Variants in PLPPR1 observed in about 807,000 individuals in gnomAD.
The protein encoded by PLPPR1 is phospholipid phosphatase-related protein type 1.
PLPPR1 carries 10 observed loss-of-function variants against 33.1 expected under a neutral mutation model. The observed-to-expected ratio is 0.30, with a 90% CI of 0.19 to 0.51. The LOEUF (loss-of-function observed/expected upper bound fraction) is 0.51, where lower values mean the gene tolerates loss of function less well. PLPPR1 is among the 20% of genes least tolerant of loss of function. The pLI is 0.97. For synonymous variants in PLPPR1, 151 were observed against 151.0 expected (o/e 1.00, Z 0.00); for missense variants, 304 against 408.1 (o/e 0.74, Z 2.20).
intron 1 of PLPPR1, among the ~76,000 whole-genome samples, chr9:101,101,474 T>C (rs1830897948): frequency 6.6e-6 from 1 of 151,848 alleles, no homozygotes; most frequent in African/African-American, 2.4e-5. Flanking sequence ...TGGACAGTGG[T>C]TGACACATTT....
Position 101,055,034 on chromosome 9 carries a change from G to A in PLPPR1, c.-46+25932G>A, listed in dbSNP as rs116497408. On this transcript the variant is annotated intron_variant, in intron 1 of 7. Coordinates refer to ENST00000374874, the MANE Select transcript of PLPPR1 (RefSeq NM_207299.2). ...GCTCCATGTGGACTGCTTAACCTGA[G>A]CTCATAGTTCAGTTCTTAAAATTCC... Among the ~76,000 whole-genome samples the A allele has an allele frequency of 2.4e-3, 371 of 152,300 alleles. 2 individuals carry two copies. The highest frequency in any genetic ancestry group is 8.8e-3 in the African/African-American group (366 of 41,566).
chr9:101,138,159 A>C (rs1227839299), intron 1 of PLPPR1, among the ~76,000 whole-genome samples: 1 of 152,234 alleles, frequency 6.6e-6, no homozygotes, highest in Non-Finnish European at 1.5e-5. Flanking sequence ...TATGGAAAGT[A>C]GGCTATGGGT....
intron 2 of PLPPR1, among the ~76,000 whole-genome samples, chr9:101,195,881 A>C (rs1262475281): frequency 6.6e-6 from 1 of 152,230 alleles, no homozygotes; most frequent in Non-Finnish European, 1.5e-5. Context: ...TTTAATCTTC[A>C]TAGAATTTTA....
intron 2 of PLPPR1, among the ~76,000 whole-genome samples, chr9:101,242,904 A>T (rs1014540682): frequency 6.6e-6 from 1 of 152,086 alleles, no homozygotes; most frequent in African/African-American, 2.4e-5. Context: ...GTTCTCTGTC[A>T]TGTGCTATAA....
At chr9:101,261,233 A>G (rs917082584) in intron 2 of PLPPR1, among the ~76,000 whole-genome samples, 1 of 152,220 alleles carries the variant, frequency 6.6e-6, no homozygotes, top group African/African-American at 2.4e-5. Context: ...ATGGGCAATC[A>G]GTAAGAGTCA....
At chr9:101,167,664 C>G (rs1825880877) in intron 1 of PLPPR1, among the ~76,000 whole-genome samples, 1 of 152,024 alleles carries the variant, frequency 6.6e-6, no homozygotes, top group Admixed American at 6.6e-5. Context: ...TGAAAGGGCA[C>G]TTTGGTCCCT....
chr9:101,249,419 C>T (rs894545648), intron 2 of PLPPR1, among the ~76,000 whole-genome samples: 5 of 152,002 alleles, frequency 3.3e-5, no homozygotes, highest in African/African-American at 1.2e-4. Flanking sequence ...CAATTATAAA[C>T]GATTGGTAAT....
Position 101,270,271 on chromosome 9 carries a change from T to C in PLPPR1, c.252+203T>C, listed in dbSNP as rs574362526. ...TGTCTTGTATGGGTGGCTTTTGTTT[T>C]TCGGTATCTGAATTTTAAAAAGATG... is the stretch of plus-strand genomic sequence containing the variant. On this transcript the variant is annotated intron_variant, in intron 3 of 7. Transcript: ENST00000374874. Among the ~76,000 whole-genome samples the C allele has an allele frequency of 3.3e-5, 5 of 152,114 alleles. No individual in the cohort carries two copies. The South Asian group carries it at 1.0e-3, about 32-fold the overall frequency.
chr9:101,200,046 A>AGAT (rs1380495907), intron 2 of PLPPR1, among the ~76,000 whole-genome samples: 1 of 152,178 alleles, frequency 6.6e-6, no homozygotes, highest in East Asian at 1.9e-4. Context: ...GTTCTGGAAC[A>AGAT]GATAGGATTC....
At chr9:101,248,960 C>T (rs899338668) in intron 2 of PLPPR1, among the ~76,000 whole-genome samples, 1 of 152,006 alleles carries the variant, frequency 6.6e-6, no homozygotes, top group African/African-American at 2.4e-5. Context: ...TACCAAAATA[C>T]ATCTGGGAAC....
chr9:101,303,182 T>A (rs1828784756), intron 4 of PLPPR1, among the ~76,000 whole-genome samples: 1 of 151,466 alleles, frequency 6.6e-6, no homozygotes, highest in East Asian at 2.0e-4. Flanking sequence ...CAGGGTTTTA[T>A]CATGCTGGCC....
At chr9:101,118,893 T>G (rs1261681855) in intron 1 of PLPPR1, among the ~76,000 whole-genome samples, 1 of 151,960 alleles carries the variant, frequency 6.6e-6, no homozygotes, top group Non-Finnish European at 1.5e-5. Flanking sequence ...GCCATGTTTT[T>G]TTTTGTTTTG....
At chr9:101,138,696 C>T (rs1314974963) in intron 1 of PLPPR1, among the ~76,000 whole-genome samples, 1 of 152,170 alleles carries the variant, frequency 6.6e-6, no homozygotes, top group Non-Finnish European at 1.5e-5. Context: ...ATATGTGTGC[C>T]ACATCTGTTG....
At chr9:101,099,527 T>C (rs1217806941) in intron 1 of PLPPR1, among the ~76,000 whole-genome samples, 2 of 152,140 alleles carry the variant, frequency 1.3e-5, no homozygotes, top group Non-Finnish European at 2.9e-5. Flanking sequence ...TGAAAATACA[T>C]GGGGAGAAAA....
intron 2 of PLPPR1, among the ~76,000 whole-genome samples, chr9:101,228,283 G>A (rs1827112337): frequency 6.6e-6 from 1 of 152,084 alleles, no homozygotes; most frequent in Non-Finnish European, 1.5e-5. Context: ...CCTAATATAA[G>A]CTCCCTCCAC....
At chr9:101,134,427 G>T (rs1831353039) in intron 1 of PLPPR1, among the ~76,000 whole-genome samples, 1 of 151,098 alleles carries the variant, frequency 6.6e-6, no homozygotes, top group Admixed American at 6.6e-5. Context: ...CTGTCACCCA[G>T]GCTGGAGTGC....
intron 1 of PLPPR1, among the ~76,000 whole-genome samples, chr9:101,102,939 G>A (rs1156243965): frequency 2.4e-5 from 1 of 42,378 alleles, no homozygotes; most frequent in African/African-American, 1.0e-4. Flanking sequence ...CTGCATAAAT[G>A]TCTTCTTTTG....
intron 3 of PLPPR1, among the ~76,000 whole-genome samples, chr9:101,275,003 C>G (rs935693288): frequency 3.3e-5 from 5 of 152,214 alleles, no homozygotes; most frequent in African/African-American, 1.2e-4. Context: ...TCCAAACTCC[C>G]AAATCATGAC....
chr9:101,238,634 C>T (rs893847887), intron 2 of PLPPR1, among the ~76,000 whole-genome samples: 12 of 151,266 alleles, frequency 7.9e-5, no homozygotes, highest in African/African-American at 1.5e-4. Flanking sequence ...CACTAAAAGG[C>T]GGAAAAATAG....
Sources: gnomAD v4.1 joint callset for allele counts (sites outside exome capture counted in the v4.1 genomes callset) on GRCh38, gnomAD v4.1.1 for gene constraint, MANE v1.5 for transcripts, NCBI Gene and HGNC (gene_info 2026-07-23, HGNC 2026-07-21) for gene names.